Variants in ASCC1 observed in about 807,000 individuals in gnomAD.
ASCC1 encodes activating signal cointegrator 1 complex subunit 1, also known as ASC-1 complex subunit P50.
ASCC1 carries 35 observed loss-of-function variants against 46.6 expected under a neutral mutation model. The ratio of observed to expected loss-of-function variants is 0.75; its 90% CI spans 0.57 to 0.99. The LOEUF (loss-of-function observed/expected upper bound fraction) is 0.99, where lower values mean the gene tolerates loss of function less well. ASCC1 is among the 50% of genes least tolerant of loss of function. The pLI is 0.00. For missense variants in ASCC1, 376 were observed against 428.7 expected, an observed-to-expected ratio of 0.88 and a Z score of 1.09; for synonymous variants, 143 against 146.6, an observed-to-expected ratio of 0.98 and a Z score of 0.18.
chr10:72,116,387 C>T (rs937735173), intron 9 of ASCC1, among the ~76,000 whole-genome samples: 8 of 152,228 alleles, frequency 5.3e-5, no homozygotes, highest in Non-Finnish European at 1.0e-4. Flanking sequence ...GATTCAGTCA[C>T]AAGTTGTAAG....
At chr10:72,193,668 A>C (rs925895708) in intron 5 of ASCC1, among the ~76,000 whole-genome samples, 2 of 152,150 alleles carry the variant, frequency 1.3e-5, no homozygotes, top group Non-Finnish European at 2.9e-5. Context: ...TGTATACCCC[A>C]AAAAAGTCCA....
intron 7 of ASCC1, among the ~76,000 whole-genome samples, chr10:72,143,418 GC>G (rs1358233931): frequency 6.6e-6 from 1 of 151,448 alleles, no homozygotes; most frequent in African/African-American, 2.4e-5. Flanking sequence ...GCTCAGACTG[GC>G]CTCAAACCCC....
intron 1 of ASCC1, among the ~76,000 whole-genome samples, chr10:72,214,928 C>A (rs369420013): frequency 6.6e-6 from 1 of 152,204 alleles, no homozygotes; most frequent in South Asian, 2.1e-4. Flanking sequence ...TCGCTCACTG[C>A]GAAGCCAAGC....
intron 9 of ASCC1, among the ~76,000 whole-genome samples, chr10:72,102,663 C>G (rs1022239684): frequency 6.6e-6 from 1 of 151,960 alleles, no homozygotes; most frequent in Admixed American, 6.6e-5. Flanking sequence ...ACAAAGTTAC[C>G]TAATGCCAAT....
intron 7 of ASCC1, among the ~76,000 whole-genome samples, chr10:72,134,657 T>C (rs1345039914): frequency 6.6e-6 from 1 of 152,230 alleles, no homozygotes; most frequent in Non-Finnish European, 1.5e-5. Flanking sequence ...AACATTGTTT[T>C]AGAATCACCT....
intron 5 of ASCC1, among the ~76,000 whole-genome samples, chr10:72,196,445 A>AT (rs1245911933): frequency 6.6e-6 from 1 of 151,466 alleles, no homozygotes; most frequent in East Asian, 1.9e-4. Context: ...CACCCAGCTA[A>AT]TTTTTTTTGT....
intron 5 of ASCC1, chr10:72,180,920 T>C (rs903990893): frequency 3.6e-5 from 7 of 197,096 alleles, no homozygotes; most frequent in African/African-American, 1.4e-4. Context: ...CTTTGGGACA[T>C]TGAAATGGGC....
At chr10:72,107,402 A>G (rs1160457153) in intron 9 of ASCC1, among the ~76,000 whole-genome samples, 2 of 151,802 alleles carry the variant, frequency 1.3e-5, no homozygotes, top group Non-Finnish European at 2.9e-5. Context: ...AATACCGTGC[A>G]TTTGTCTTCT....
chr10:72,150,204 T>C (rs1444767202), intron 7 of ASCC1, among the ~76,000 whole-genome samples: 1 of 149,786 alleles, frequency 6.7e-6, no homozygotes, highest in African/African-American at 2.5e-5. Flanking sequence ...AAAAGAAAAA[T>C]CTGGCACAGA....
chr10:72,117,572 G>A (rs1253408826), intron 9 of ASCC1, among the ~76,000 whole-genome samples: 4 of 152,122 alleles, frequency 2.6e-5, no homozygotes, highest in Non-Finnish European at 4.4e-5. Flanking sequence ...GATTAAATAT[G>A]CATATATGTG....
intron 9 of ASCC1, among the ~76,000 whole-genome samples, chr10:72,112,083 C>T (rs1383311323): frequency 2.6e-5 from 4 of 152,166 alleles, no homozygotes; most frequent in Admixed American, 6.5e-5. Context: ...GAAACTAAAA[C>T]GGTTTTATTT....
At chr10:72,173,947 C>T (rs1392019143) in intron 5 of ASCC1, among the ~76,000 whole-genome samples, 1 of 152,236 alleles carries the variant, frequency 6.6e-6, no homozygotes, top group Non-Finnish European at 1.5e-5. Flanking sequence ...ATTGACCTTC[C>T]ACCCAGCAGG....
rs577339511 is a variant in ASCC1, at chr10:72,180,968, A to C, written c.489+15843T>G. On this transcript the variant is annotated intron_variant, in intron 5 of 9. Transcript: ENST00000672957. ...TTGGTTCAAAAGCATTATTCTATTC[A>C]TTTGCCTTTTTTTTTGGAGACAGAG... 2.2e-4 allele frequency: 39 copies of C among 178,566 alleles called. 1 individual carries two copies. In the South Asian group the frequency reaches 4.9e-3, roughly 22 times the overall value. 11.1% of individuals were successfully genotyped at this position (178,566 alleles called of 1,614,324 possible).
intron 5 of ASCC1, among the ~76,000 whole-genome samples, chr10:72,172,530 G>C (rs1234978736): frequency 1.4e-5 from 2 of 145,930 alleles, no homozygotes; most frequent in East Asian, 2.0e-4. Context: ...TTCTTTTGTA[G>C]AAATGGGGTT....
rs563422868 is a variant in ASCC1 at position 72,110,665 on chromosome 10, T to C, written c.958-13215A>G. The stretch of plus-strand genomic sequence containing the variant: ...AGCTGGGCGTGGTGGCACGTGCCTG[T>C]AATCCCAGCTACTCAGGAGGCTGAG... On this transcript the variant is annotated intron_variant, in intron 9 of 9. Transcript: ENST00000672957. Among the ~76,000 whole-genome samples, 4 of 152,308 alleles carry C rather than the reference T, an allele frequency of 2.6e-5. No individual in the cohort carries two copies. In the East Asian group the frequency reaches 5.8e-4, roughly 22 times the overall value.
rs758996240 is a variant in ASCC1 at position 72,133,154 on chromosome 10, C to T, written c.774G>A (p.Leu258=). The part of the protein sequence containing the change: ...NRLQELVDRV[L]ERFQASGLIV... ...TTAGTCCAGATGCCTGAAAACGTTC[C>T]AGCACTCGATCAACTAATTCTTGTA... The change falls in exon 8 of 10, where the codon CTG becomes CTA. Residue 258 remains leucine, a synonymous_variant. Transcript: ENST00000672957. 4 of 1,613,920 alleles carry T rather than the reference C, an allele frequency of 2.5e-6. No individual in the cohort carries two copies. Among genetic ancestry groups the T allele is most frequent in the African/African-American group, 2.7e-5 (2 of 74,922 alleles).
chr10:72,156,849 G>C (rs548985541), intron 6 of ASCC1, among the ~76,000 whole-genome samples: 1 of 151,868 alleles, frequency 6.6e-6, no homozygotes, highest in South Asian at 2.1e-4. Context: ...AAGTTGTCTT[G>C]ACATTGAACC....
At chr10:72,157,362 T>G (rs575326969) in intron 6 of ASCC1, among the ~76,000 whole-genome samples, 1 of 152,316 alleles carries the variant, frequency 6.6e-6, no homozygotes, top group African/African-American at 2.4e-5. Flanking sequence ...TCACACTAAA[T>G]ACACATCCTC....
intron 5 of ASCC1, among the ~76,000 whole-genome samples, chr10:72,187,801 C>A (rs1319717002): frequency 7.0e-6 from 1 of 143,328 alleles, no homozygotes; most frequent in African/African-American, 2.6e-5. Flanking sequence ...TTAAAACTGA[C>A]TTTTTACAGT....
Sources: allele counts gnomAD v4.1 joint callset (sites outside exome capture counted in the v4.1 genomes callset), GRCh38; gene constraint gnomAD v4.1.1; transcripts MANE v1.5; gene names NCBI Gene and HGNC (gene_info 2026-07-23, HGNC 2026-07-21).